The following CUBN variants were observed in gnomAD, a reference collection of about 807,000 sequenced individuals.
CUBN encodes the protein 460 kDa receptor.
Under a neutral mutation model 405.3 loss-of-function variants are expected in CUBN, and 282 were observed. That is an observed-to-expected ratio of 0.70 (90% CI 0.63 to 0.77). The LOEUF is 0.77. CUBN is among the 30% of genes least tolerant of loss of function. The pLI is 0.00. For missense variants in CUBN, 4,514 were observed against 4,475.2 expected (o/e 1.01, Z -0.25); for synonymous variants, 1,684 against 1,617.0 (o/e 1.04, Z -0.99).
chr10:17,105,523 C>T lies in CUBN; in HGVS notation c.1164G>A (p.Gly388=). 3 of 1,611,896 alleles carry T rather than the reference C, an allele frequency of 1.9e-6. No individual in the cohort carries two copies. Among genetic ancestry groups the T allele is most frequent in the Non-Finnish European group, 2.5e-6 (3 of 1,177,992 alleles). Residue 388 remains glycine (G), a synonymous_variant, in exon 11 of 67, where the codon GGG becomes GGA. Transcript: ENST00000377833. ...TACTGAGCTGCACACATCCATTTGGCCCATAACCATTTCCAGTATAACCCG... is the reference window on the plus strand; with the variant it reads ...TACTGAGCTGCACACATCCATTTGGTCCATAACCATTTCCAGTATAACCCG... The part of the protein sequence containing the change: ...CLPGYTGNGY[G]PNGCVQLSNI...
Position 16,982,555 on chromosome 10 carries a change from C to A in CUBN, c.4624G>T (p.Val1542Phe). Residue 1542 changes from valine to phenylalanine, a missense_variant, in exon 31 of 67, where the codon GTT (valine) becomes TTT (phenylalanine). By Grantham distance (50) the Val-to-Phe change is conservative. Coordinates refer to ENST00000377833, the MANE Select transcript of CUBN (RefSeq NM_001081.4). ...AAGAGAACACGATGATTTCTGTCAA[C>A]CCGAATGACCCAAGAACAGTCTGTG... is the stretch of plus-strand genomic sequence containing the variant. ...SNTDCSWVIRVDRNHRVLLNF... is the reference protein window; with the variant it reads ...SNTDCSWVIRFDRNHRVLLNF... The A allele has an allele frequency of 6.2e-7, 1 of 1,613,802 alleles. No homozygotes were observed. Among genetic ancestry groups the A allele is most frequent in the Non-Finnish European group, 8.5e-7 (1 of 1,179,780 alleles).
At chr10:17,084,817 A>G (rs1836068524) in intron 16 of CUBN, among the ~76,000 whole-genome samples, 1 of 152,238 alleles carries the variant, frequency 6.6e-6, no homozygotes, top group African/African-American at 2.4e-5. Flanking sequence ...GTATACATGA[A>G]GCAGATTAAA....
At chr10:17,105,358 T>C (rs762668472) in intron 11 of CUBN, 99 bp downstream of exon 11, 3 of 805,620 alleles carry the variant, frequency 3.7e-6, no homozygotes, top group African/African-American at 1.7e-5. Context: ...GAAACTTGAC[T>C]CATTATCTTG....
intron 59 of CUBN, among the ~76,000 whole-genome samples, chr10:16,863,008 G>C (rs528186422): frequency 6.6e-6 from 1 of 152,318 alleles, no homozygotes; most frequent in Non-Finnish European, 1.5e-5. Context: ...ATTGGTGGGG[G>C]CACAGACTCC....
intron 28 of CUBN, among the ~76,000 whole-genome samples, chr10:17,000,097 G>A (rs1833837752): frequency 6.6e-6 from 1 of 152,230 alleles, no homozygotes; most frequent in Admixed American, 6.5e-5. Context: ...TAGCTTAGGG[G>A]AAGAAAAACA....
chr10:16,983,470 G>T (rs1437648921), intron 30 of CUBN, among the ~76,000 whole-genome samples: 1 of 152,176 alleles, frequency 6.6e-6, no homozygotes, highest in African/African-American at 2.4e-5. Context: ...GTCCACACTG[G>T]TAAGATGAGG....
At chr10:16,973,453 A>G (rs1467045489) in intron 31 of CUBN, among the ~76,000 whole-genome samples, 1 of 152,212 alleles carries the variant, frequency 6.6e-6, no homozygotes, top group Non-Finnish European at 1.5e-5. Flanking sequence ...GAGGCCCAGA[A>G]TTACAGACGG....
At chr10:16,829,729 G>C (rs1034335715) in intron 65 of CUBN, among the ~76,000 whole-genome samples, 3 of 152,118 alleles carry the variant, frequency 2.0e-5, no homozygotes, top group African/African-American at 7.2e-5. Context: ...AGAGCACGTG[G>C]CTGGGCCTCT....
At chr10:16,939,770 GA>G (rs1194762581) in intron 37 of CUBN, among the ~76,000 whole-genome samples, 4 of 152,030 alleles carry the variant, frequency 2.6e-5, no homozygotes, top group African/African-American at 9.7e-5. Flanking sequence ...ACAACGTCAT[GA>G]AAAAAACTAA....
At chr10:17,030,051 C>T (rs1238388024) in intron 27 of CUBN, among the ~76,000 whole-genome samples, 3 of 152,166 alleles carry the variant, frequency 2.0e-5, no homozygotes, top group Non-Finnish European at 4.4e-5. Flanking sequence ...ACTGCACACG[C>T]GAGGGATCTA....
intron 8 of CUBN, among the ~76,000 whole-genome samples, chr10:17,112,630 G>A (rs1001456780): frequency 6.6e-6 from 1 of 151,606 alleles, no homozygotes; most frequent in Non-Finnish European, 1.5e-5. Context: ...TTGCCCCTGA[G>A]AACTAAGAGG....
intron 28 of CUBN, 50 bp downstream of exon 28, chr10:17,019,783 C>A (rs1389361122): frequency 1.3e-5 from 21 of 1,613,136 alleles, no homozygotes; most frequent in East Asian, 8.9e-5. Flanking sequence ...AGAAAAAATT[C>A]TTGGCCAAAT....
In CUBN at chr10:16,877,115, C is replaced by A. The variant is rs1209553782; in HGVS notation, c.8906-18G>T. 2 of 1,606,574 alleles carry A rather than the reference C, an allele frequency of 1.2e-6. No individual in the cohort carries two copies. Among genetic ancestry groups the A allele is most frequent in the Admixed American group, 1.7e-5 (1 of 59,044 alleles). On this transcript the variant is annotated intron_variant, in intron 56 of 66. Transcript: ENST00000377833. ...GGAACGAGCTGGAAAAGGCATGGAACAACCGCATTATGATCAGAACCTACA... is the reference window on the plus strand; with the variant it reads ...GGAACGAGCTGGAAAAGGCATGGAAAAACCGCATTATGATCAGAACCTACA...
rs184419773 is a variant in CUBN at position 17,043,726 on chromosome 10, C to T, written c.3829+101G>A. 8.1e-4 allele frequency: 1,229 copies of T among 1,519,126 alleles called. 2 individuals carry two copies. Among genetic ancestry groups the T allele is most frequent in the Non-Finnish European group, 9.0e-4 (993 of 1,099,828 alleles). The allele number at this position is 1,519,126 out of a possible 1,614,324, so 94.1% of individuals were successfully genotyped here. On this transcript the variant is annotated intron_variant, in intron 26 of 66. Transcript: ENST00000377833. ...AAGGCCCACTCTAGGCACTGAACAGCGAGTATACATACTTACTCTGCCAGT... is the reference window on the plus strand; with the variant it reads ...AAGGCCCACTCTAGGCACTGAACAGTGAGTATACATACTTACTCTGCCAGT...
intron 28 of CUBN, among the ~76,000 whole-genome samples, chr10:17,012,728 T>G (rs989290032): frequency 6.6e-6 from 1 of 152,238 alleles, no homozygotes; most frequent in Non-Finnish European, 1.5e-5. Context: ...TTCCTGATTC[T>G]GTAAGTACTT....
In CUBN at chr10:16,870,135, G is replaced by A. The variant is rs780825; in HGVS notation, c.9237-282C>T. Among the ~76,000 whole-genome samples, 52,525 of 151,976 alleles carry A rather than the reference G, an allele frequency of 0.35. 9,268 individuals carry two copies. The highest frequency in any genetic ancestry group is 0.42 in the East Asian group (2,177 of 5,164). On this transcript the variant is annotated intron_variant, in intron 58 of 66. Coordinates refer to ENST00000377833, the MANE Select transcript of CUBN (RefSeq NM_001081.4). The stretch of plus-strand genomic sequence containing the variant: ...ACTTTTCAAGGAATTCACAGTCTAG[G>A]GCATATTAAAGTCCATCTGAGAACA...
chr10:17,049,014 G>A (rs191475893), intron 22 of CUBN, among the ~76,000 whole-genome samples: 22 of 152,276 alleles, frequency 1.4e-4, no homozygotes, highest in Admixed American at 1.4e-3. Context: ...AATTCACAGT[G>A]ACATTTAACA....
intron 56 of CUBN, among the ~76,000 whole-genome samples, chr10:16,878,106 G>A (rs905114537): frequency 1.3e-5 from 2 of 152,158 alleles, no homozygotes; most frequent in South Asian, 2.1e-4. Flanking sequence ...TGGGCAACAC[G>A]GCAAAACCCT....
At chr10:16,892,185 T>G (rs1350276789) in intron 54 of CUBN, among the ~76,000 whole-genome samples, 1 of 152,194 alleles carries the variant, frequency 6.6e-6, no homozygotes, top group Non-Finnish European at 1.5e-5. Context: ...TTGTTTCAAT[T>G]GATTTTTAAG....
Sources: allele counts gnomAD v4.1 joint callset (sites outside exome capture counted in the v4.1 genomes callset), GRCh38; gene constraint gnomAD v4.1.1; transcripts MANE v1.5; gene names NCBI Gene and HGNC (gene_info 2026-07-23, HGNC 2026-07-21).